The following UBR4 variants were observed in gnomAD, a reference collection of about 807,000 sequenced individuals.
UBR4 encodes ubiquitin protein ligase E3 component n-recognin 4, also known as E3 ubiquitin-protein ligase UBR4.
UBR4 carries 124 observed loss-of-function variants against 575.6 expected under a neutral mutation model. The ratio of observed to expected loss-of-function variants is 0.22; its 90% CI spans 0.19 to 0.25. The LOEUF (loss-of-function observed/expected upper bound fraction) is 0.25. UBR4 is among the 10% of genes least tolerant of loss of function. UBR4 has a pLI of 1.00. For synonymous variants in UBR4, 2,455 were observed against 2,473.7 expected (o/e 0.99, Z 0.22); for missense variants, 4,818 against 6,478.8 (o/e 0.74, Z 8.80).
intron 74 of UBR4, among the ~76,000 whole-genome samples, 155 bp downstream of exon 74, chr1:19,115,240 TTCC>T (rs1034380042): frequency 6.6e-6 from 1 of 151,780 alleles, no homozygotes; most frequent in African/African-American, 2.4e-5. Context: ...CTCTCTCTTC[TTCC>T]TCCTCCCTTT....
intron 65 of UBR4, 84 bp from the exon 66 acceptor site, chr1:19,123,144 T>C: frequency 7.0e-7 from 1 of 1,438,776 alleles, no homozygotes; most frequent in South Asian, 1.2e-5. Flanking sequence ...TGGGTTTTAA[T>C]AAACTGTTAT....
chr1:19,157,812 C>A lies in UBR4; in HGVS notation c.5760+3G>T, dbSNP rs144933370. 3.7e-6 allele frequency: 6 copies of A among 1,613,312 alleles called. No homozygotes were observed. Among genetic ancestry groups the A allele is most frequent in the Admixed American group, 1.7e-5 (1 of 59,900 alleles). ...GTAAGCGCACAAGAATTGGAGGACC[C>A]ACCTTGCCCTTCTCATGGCTGACAG... On this transcript the variant is annotated splice_donor_region_variant and intron_variant, in intron 40 of 105. Coordinates refer to ENST00000375254, the MANE Select transcript of UBR4 (RefSeq NM_020765.3). This position sits in a 1 kb window ranked among gnomAD's most constrained non-coding sequence, Gnocchi z 4.4.
chr1:19,090,764 T>C (rs1184147132), intron 97 of UBR4, among the ~76,000 whole-genome samples: 1 of 152,168 alleles, frequency 6.6e-6, no homozygotes, highest in Admixed American at 6.5e-5. Context: ...AGATAAAGCC[T>C]TATTCTAAAG....
In UBR4 at chr1:19,179,567, T is replaced by A. The variant is rs78543921; in HGVS notation, c.2185-347A>T. On this transcript the variant is annotated intron_variant, in intron 17 of 105. Coordinates refer to ENST00000375254, the MANE Select transcript of UBR4 (RefSeq NM_020765.3). ...TTGTTGCCTTTGAAAGCAAACTTCT[T>A]GAACAACTGTAATAGCTAATAGTTT... Among the ~76,000 whole-genome samples, 847 of 152,334 alleles carry A rather than the reference T, an allele frequency of 5.6e-3. 6 individuals are homozygous for A. The highest frequency in any genetic ancestry group is 0.02 in the African/African-American group (817 of 41,576).
rs1440607130 is a variant in UBR4 at position 19,110,932 on chromosome 1, G to A, written c.11802-100C>T. On this transcript the variant is annotated intron_variant, in intron 78 of 105. Transcript: ENST00000375254. This position sits in a 1 kb window ranked among gnomAD's most constrained non-coding sequence, Gnocchi z 4.5. ...AGGGAAAATGAAATCAATGTCTAAG[G>A]CTACCTGGCCCCAAATTTTCTACTT... 1.7e-5 allele frequency: 21 copies of A among 1,246,286 alleles called. No individual in the cohort carries two copies. In the East Asian group the frequency reaches 4.9e-4, roughly 29 times the overall value. 77.2% of individuals were successfully genotyped at this position (1,246,286 alleles called of 1,614,324 possible).
At chr1:19,132,835 A>G (rs1339977166) in intron 60 of UBR4, among the ~76,000 whole-genome samples, 3 of 152,034 alleles carry the variant, frequency 2.0e-5, no homozygotes, top group Non-Finnish European at 2.9e-5. Flanking sequence ...AAATATATGA[A>G]CAGGCTCACG....
At position 19,138,176 on chromosome 1, in the gene UBR4, C is replaced by G. The variant is rs749203076; in HGVS notation, c.8737G>C (p.Gly2913Arg). Residue 2913 changes from glycine (G) to arginine (R), a missense_variant, in exon 60 of 106, where the codon GGC (glycine) becomes CGC (arginine). Around this residue, in one of 29 missense-constraint regions of UBR4, gnomAD observed 57 missense variants for 101.5 expected, o/e 0.56. Coordinates refer to ENST00000375254, the MANE Select transcript of UBR4 (RefSeq NM_020765.3). The part of the protein sequence containing the change: ...DSVAGEHSVS[G>R]RSSAYGDATA... ...GCATCGCCATAAGCACTGCTCCGGC[C>G]AGATACTAGAGGGAAATGGTTTAAA... 1 of 1,512,804 alleles carries G rather than the reference C, an allele frequency of 6.6e-7. No individual in the cohort carries two copies. The highest frequency in any genetic ancestry group is 1.3e-5 in the South Asian group (1 of 75,932). 93.7% of individuals were successfully genotyped at this position (1,512,804 alleles called of 1,614,324 possible). A position where few individuals can be genotyped will look rare whatever the true frequency, so the allele number is the denominator to read the frequency against.
intron 11 of UBR4, among the ~76,000 whole-genome samples, chr1:19,188,695 C>T (rs1557971770): frequency 1.3e-5 from 2 of 152,190 alleles, no homozygotes; most frequent in Non-Finnish European, 2.9e-5. Flanking sequence ...AGGCCAGATG[C>T]GGTGGCTCAC....
At position 19,162,471 on chromosome 1, in the gene UBR4, G is replaced by C; in HGVS notation, c.4905C>G (p.Asp1635Glu). ...CTTCCACCGCCAACTCCTCCACCCA[G>C]TCTGAGTCTACTTCAATGGCCCGCT... ...GEERAIEVDS[D>E]WVEELAVEEE... is the part of the protein sequence containing the mutation. Residue 1635 changes from aspartate (D) to glutamate (E), a missense_variant, in exon 35 of 106, where the codon GAC becomes GAG. Around this residue, in one of 29 missense-constraint regions of UBR4, gnomAD observed 1,172 missense variants for 1,259.7 expected, o/e 0.93. Coordinates refer to ENST00000375254, the MANE Select transcript of UBR4 (RefSeq NM_020765.3). The C allele has an allele frequency of 6.2e-7, 1 of 1,614,058 alleles. No homozygotes were observed. The highest frequency in any genetic ancestry group is 8.5e-7 in the Non-Finnish European group (1 of 1,179,998).
chr1:19,081,543 G>A lies in UBR4; in HGVS notation c.15039C>T (p.Asn5013=), dbSNP rs866980923. The A allele has an allele frequency of 4.3e-6, 7 of 1,614,024 alleles. No individual in the cohort carries two copies. The highest frequency in any genetic ancestry group is 1.7e-5 in the Admixed American group (1 of 59,994). ...TGGGCTGTTCCAGAAAGCCTTGGAG[G>A]TTCTTCTCTTCTCGGGAAGTTGCTC... is the stretch of plus-strand genomic sequence containing the variant. ...TTRATSREEK[N]LQGFLEQPKE... The change falls in exon 103 of 106, where the codon AAC becomes AAT. Residue 5013 remains asparagine, a synonymous_variant. Coordinates refer to ENST00000375254, the MANE Select transcript of UBR4 (RefSeq NM_020765.3).
chr1:19,146,423 A>T (rs1448681807), intron 52 of UBR4, among the ~76,000 whole-genome samples: 1 of 152,240 alleles, frequency 6.6e-6, no homozygotes, highest in Non-Finnish European at 1.5e-5. Flanking sequence ...AACAGCACTG[A>T]GCACTGAGAA....
intron 27 of UBR4, 84 bp downstream of exon 27, chr1:19,169,351 T>C (rs967519344): frequency 1.7e-6 from 2 of 1,198,646 alleles, no homozygotes; most frequent in Non-Finnish European, 2.3e-6. Context: ...GTAGCTAGTT[T>C]AAGCCTAATT....
chr1:19,129,960 G>T (rs2082246490), intron 60 of UBR4, among the ~76,000 whole-genome samples: 1 of 151,774 alleles, frequency 6.6e-6, no homozygotes, highest in African/African-American at 2.4e-5. Flanking sequence ...ATGTGTGATT[G>T]GCATGTGTTA....
intron 11 of UBR4, among the ~76,000 whole-genome samples, chr1:19,188,720 C>A (rs1022005253): frequency 2.4e-4 from 36 of 152,206 alleles, no homozygotes; most frequent in Non-Finnish European, 1.3e-4. Flanking sequence ...ATTATCCCAG[C>A]ACTTTGGGAG....
chr1:19,084,417 G>A, intron 102 of UBR4, 87 bp downstream of exon 102: 1 of 1,381,992 alleles, frequency 7.2e-7, no homozygotes, highest in Non-Finnish European at 9.9e-7. Flanking sequence ...ACTAGCATGA[G>A]AGGCTATGAA....
At position 19,113,804 on chromosome 1, in the gene UBR4, G is replaced by A. The variant is rs2080174114; in HGVS notation, c.11352C>T (p.Gly3784=). 1 of 1,614,070 alleles carries A rather than the reference G, an allele frequency of 6.2e-7. No homozygotes were observed. Among genetic ancestry groups the A allele is most frequent in the African/African-American group, 1.3e-5 (1 of 74,924 alleles). ...TCACACTGGCAGAAGTGGAGCTGAT[G>A]CCCCCTGCTGTTCCTGAGTCATCCT... is the stretch of plus-strand genomic sequence containing the variant. ...KPQDDSGTAG[G]ISSTSASVNR... is the part of the protein sequence containing the mutation. Residue 3784 remains glycine, a synonymous_variant, in exon 77 of 106, where the codon GGC becomes GGT. Coordinates refer to ENST00000375254, the MANE Select transcript of UBR4 (RefSeq NM_020765.3).
intron 25 of UBR4, 122 bp downstream of exon 25, chr1:19,172,742 T>G: frequency 1.1e-6 from 1 of 928,964 alleles, no homozygotes; most frequent in Non-Finnish European, 1.6e-6. Flanking sequence ...GAAGAAAGCA[T>G]TATACGTGGG....
intron 1 of UBR4, among the ~76,000 whole-genome samples, chr1:19,206,604 G>A (rs1218074346): frequency 6.6e-6 from 1 of 152,038 alleles, no homozygotes; most frequent in Non-Finnish European, 1.5e-5. Context: ...CCAAAGTGCT[G>A]AGATTACAGG....
chr1:19,078,115 T>C, intron 103 of UBR4, 49 bp from the exon 104 acceptor site: 1 of 1,586,744 alleles, frequency 6.3e-7, no homozygotes, highest in Non-Finnish European at 8.6e-7. Flanking sequence ...AGGAGGATAC[T>C]CACAAGGACA....
Sources: gnomAD v4.1 joint callset for allele counts (sites outside exome capture counted in the v4.1 genomes callset) on GRCh38, gnomAD v4.1.1 for gene constraint, gnomAD v4.1.1 regional missense constraint, Gnocchi (gnomAD v3.1) non-coding constraint, MANE v1.5 for transcripts, NCBI Gene and HGNC (gene_info 2026-07-23, HGNC 2026-07-21) for gene names.